The following LRRC40 variants were observed in gnomAD, a reference collection of about 807,000 sequenced individuals.
LRRC40 encodes the protein leucine rich repeat containing 40, also known as leucine-rich repeat-containing protein 40.
A neutral mutation model predicts 72.8 loss-of-function variants in LRRC40; 76 were observed. That is an observed-to-expected ratio of 1.04 (90% CI 0.87 to 1.26). The LOEUF (loss-of-function observed/expected upper bound fraction) is 1.26. LRRC40 is among the 50% of genes most tolerant of loss of function. The pLI, the probability that LRRC40 is intolerant of heterozygous loss-of-function variation, is 0.00. For synonymous variants in LRRC40, 243 were observed against 254.2 expected (o/e 0.96, Z 0.42); for missense variants, 684 against 698.9 (o/e 0.98, Z 0.24).
At chr1:70,175,057 C>T (rs961509005) in intron 7 of LRRC40, among the ~76,000 whole-genome samples, 5 of 151,478 alleles carry the variant, frequency 3.3e-5, no homozygotes, top group Non-Finnish European at 7.4e-5. Flanking sequence ...TAGCAAAAAC[C>T]GGATTTGGGC....
intron 1 of LRRC40, among the ~76,000 whole-genome samples, chr1:70,201,448 C>A (rs1280378575): frequency 6.6e-6 from 1 of 152,208 alleles, no homozygotes; most frequent in Non-Finnish European, 1.5e-5. Context: ...ACCAAAAAGC[C>A]ACCAGCCTAT....
intron 2 of LRRC40, among the ~76,000 whole-genome samples, chr1:70,188,061 G>C (rs1473537322): frequency 6.6e-6 from 1 of 152,158 alleles, no homozygotes; most frequent in Non-Finnish European, 1.5e-5. Flanking sequence ...TGAGAAAAGA[G>C]AAAGGGACTT....
intron 7 of LRRC40, among the ~76,000 whole-genome samples, chr1:70,174,299 G>GA (rs993767800): frequency 1.3e-5 from 2 of 151,888 alleles, no homozygotes; most frequent in Admixed American, 6.5e-5. Flanking sequence ...TTAAACAAAG[G>GA]AAAAAAACAC....
At chr1:70,152,752 A>G (rs1667535670) in intron 11 of LRRC40, among the ~76,000 whole-genome samples, 1 of 152,174 alleles carries the variant, frequency 6.6e-6, no homozygotes, top group African/African-American at 2.4e-5. Flanking sequence ...TTATCTGTCC[A>G]AAAGTTTCTA....
At chr1:70,160,805 T>C (rs1036836919) in intron 9 of LRRC40, among the ~76,000 whole-genome samples, 7 of 152,116 alleles carry the variant, frequency 4.6e-5, no homozygotes, top group Non-Finnish European at 1.0e-4. Context: ...TATTGTTGTT[T>C]TTTTTAACCA....
At chr1:70,158,927 C>T (rs1667698140) in intron 10 of LRRC40, among the ~76,000 whole-genome samples, 1 of 151,946 alleles carries the variant, frequency 6.6e-6, no homozygotes, top group South Asian at 2.1e-4. Flanking sequence ...ATTAACAAAA[C>T]CATCTCTCTC....
At chr1:70,177,283 A>G (rs1668130538) in intron 6 of LRRC40, among the ~76,000 whole-genome samples, 1 of 152,088 alleles carries the variant, frequency 6.6e-6, no homozygotes, top group Non-Finnish European at 1.5e-5. Context: ...CTCAAAAAAA[A>G]TAAATAAATC....
chr1:70,148,501 A>G lies in LRRC40; in HGVS notation c.1689T>C (p.Asn563=), dbSNP rs897059332. 4 of 1,611,576 alleles carry G rather than the reference A, an allele frequency of 2.5e-6. No individual in the cohort carries two copies. In the African/African-American group the frequency reaches 5.3e-5, roughly 22 times the overall value. The change falls in exon 14 of 15, where the codon AAT becomes AAC. Residue 563 remains asparagine, a synonymous_variant. Coordinates refer to ENST00000370952, the MANE Select transcript of LRRC40 (RefSeq NM_017768.5). ...GGTGTAGTTACCTTAAGTTTACACAATTACCGAGCTCTGGTGGAATTTGTA... is the reference window on the plus strand; with the variant it reads ...GGTGTAGTTACCTTAAGTTTACACAGTTACCGAGCTCTGGTGGAATTTGTA... The part of the protein sequence containing the change: ...DLLQIPPELG[N]CVNLRTLLLD...
intron 3 of LRRC40, among the ~76,000 whole-genome samples, chr1:70,186,036 A>T (rs536260032): frequency 1.3e-5 from 2 of 152,334 alleles, no homozygotes; most frequent in East Asian, 3.9e-4. Flanking sequence ...GGACAAAAAA[A>T]GTCAAATGAT....
At chr1:70,192,374 AATC>A (rs1301307889) in intron 1 of LRRC40, among the ~76,000 whole-genome samples, 1 of 152,052 alleles carries the variant, frequency 6.6e-6, no homozygotes, top group African/African-American at 2.4e-5. Context: ...TAGGAGTGTA[AATC>A]AGTTCAACCA....
At chr1:70,204,191 C>T (rs1668831880) in intron 1 of LRRC40, among the ~76,000 whole-genome samples, 1 of 152,208 alleles carries the variant, frequency 6.6e-6, no homozygotes, top group Non-Finnish European at 1.5e-5. Flanking sequence ...CATTCACTTA[C>T]TTATTGCTTC....
chr1:70,154,779 C>T (rs759868455), intron 11 of LRRC40, among the ~76,000 whole-genome samples: 10 of 151,966 alleles, frequency 6.6e-5, no homozygotes, highest in East Asian at 3.9e-4. Flanking sequence ...TAAGTATTTA[C>T]GTGCATAAAA....
chr1:70,146,876 A>C (rs1667314793), intron 14 of LRRC40, among the ~76,000 whole-genome samples: 1 of 152,184 alleles, frequency 6.6e-6, no homozygotes, highest in Non-Finnish European at 1.5e-5. Context: ...AAATATCTTC[A>C]ATTAAGAGAG....
In LRRC40 at chr1:70,148,557, T is replaced by C. The variant is rs773624562; in HGVS notation, c.1633A>G (p.Thr545Ala). 8 of 1,613,546 alleles carry C rather than the reference T, an allele frequency of 5.0e-6. No homozygotes were observed. Among genetic ancestry groups the C allele is most frequent in the Admixed American group, 3.3e-5 (2 of 59,980 alleles). ...PQKMKMMENL[T>A]TLDLQNNDLL... ...TCATTATTTTGAAGGTCCAACGTGGTCAGATTTTCCATCATCTTCATTTTC... is the reference window on the plus strand; with the variant it reads ...TCATTATTTTGAAGGTCCAACGTGGCCAGATTTTCCATCATCTTCATTTTC... The change falls in exon 14 of 15, where the codon ACC (threonine) becomes GCC (alanine). Residue 545 changes from threonine to alanine, a missense_variant. Physicochemically the swap from Thr to Ala is moderately conservative, Grantham distance 58 (BLOSUM62 0). Coordinates refer to ENST00000370952, the MANE Select transcript of LRRC40 (RefSeq NM_017768.5).
chr1:70,175,141 T>C (rs1668075717), intron 7 of LRRC40, among the ~76,000 whole-genome samples: 2 of 150,904 alleles, frequency 1.3e-5, no homozygotes, highest in African/African-American at 4.9e-5. Context: ...AAAGAAAGGG[T>C]TGGTATATTT....
intron 14 of LRRC40, among the ~76,000 whole-genome samples, chr1:70,146,610 A>G (rs1442359425): frequency 6.6e-6 from 1 of 152,156 alleles, no homozygotes; most frequent in Non-Finnish European, 1.5e-5. Context: ...CCTTTTATCC[A>G]GCCTTCTCAA....
In LRRC40 at chr1:70,155,697, A is replaced by C. The variant is rs772794174; in HGVS notation, c.1320T>G (p.Ile440Met). Residue 440 changes from isoleucine (I) to methionine (M), a missense_variant, in exon 11 of 15, where the codon ATT becomes ATG. By Grantham distance (10) the Ile-to-Met change is conservative. Coordinates refer to ENST00000370952, the MANE Select transcript of LRRC40 (RefSeq NM_017768.5). ...INFSKNQLCE[I>M]PKRMVELKEM... The stretch of plus-strand genomic sequence containing the variant: ...GGCATCATAGTTCTTACCTTTTTGG[A>C]ATTTCACATAGTTGATTCTTACTGA... The C allele has an allele frequency of 4.0e-6, 6 of 1,512,940 alleles. No homozygotes were observed. Among genetic ancestry groups the C allele is most frequent in the Non-Finnish European group, 4.5e-6 (5 of 1,111,112 alleles). 93.7% of individuals were successfully genotyped at this position (1,512,940 alleles called of 1,614,324 possible). A position where few individuals can be genotyped will look rare whatever the true frequency, so the allele number is the denominator to read the frequency against.
intron 9 of LRRC40, among the ~76,000 whole-genome samples, chr1:70,168,106 A>G (rs1571457204): frequency 1.3e-5 from 2 of 151,732 alleles, no homozygotes; most frequent in African/African-American, 4.8e-5. Context: ...CTCTCCCCCA[A>G]CCCTCCAGCC....
chr1:70,192,718 A>G (rs1368044316), intron 1 of LRRC40, among the ~76,000 whole-genome samples: 1 of 152,154 alleles, frequency 6.6e-6, no homozygotes, highest in Non-Finnish European at 1.5e-5. Flanking sequence ...ACAGAAGAAA[A>G]CAAAATACTG....
Sources: gnomAD v4.1 joint callset for allele counts (sites outside exome capture counted in the v4.1 genomes callset) on GRCh38, gnomAD v4.1.1 for gene constraint, MANE v1.5 for transcripts, NCBI Gene and HGNC (gene_info 2026-07-23, HGNC 2026-07-21) for gene names.